The following PFKFB3 variants were observed in gnomAD, a reference collection of about 807,000 sequenced individuals.
The protein encoded by PFKFB3 is 6-phosphofructo-2-kinase/fructose-2,6-biphosphatase 3, also known as 6-phosphofructo-2-kinase/fructose-2,6-bisphosphatase 3.
Under a neutral mutation model 68.0 loss-of-function variants are expected in PFKFB3, and 33 were observed. The observed-to-expected ratio is 0.49, with a 90% CI of 0.37 to 0.65. The LOEUF is 0.65. Among genes scored for constraint, PFKFB3 ranks in the 30% least tolerant of loss-of-function variants. PFKFB3 has a pLI of 0.00. For synonymous variants in PFKFB3, 315 were observed against 288.2 expected (o/e 1.09, Z -0.94); for missense variants, 586 against 712.2 (o/e 0.82, Z 2.02).
intron 1 of PFKFB3, among the ~76,000 whole-genome samples, chr10:6,188,884 G>C (rs895177560): frequency 2.7e-5 from 4 of 147,912 alleles, no homozygotes; most frequent in Non-Finnish European, 4.4e-5. Context: ...CCCCAGGCTG[G>C]AGTGCAGTGG....
At chr10:6,236,514 C>T (rs896997447), downstream of PFKFB3, among the ~76,000 whole-genome samples, 7 of 152,348 alleles carry the variant, frequency 4.6e-5, no homozygotes, top group African/African-American at 9.6e-5. Context: ...CTGCCGCCCA[C>T]GCTGTGAAGA....
chr10:6,222,866 C>G lies in PFKFB3; in HGVS notation c.1095C>G (p.Asp365Glu). 2 of 1,613,596 alleles carry G rather than the reference C, an allele frequency of 1.2e-6. No homozygotes were observed. Among genetic ancestry groups the G allele is most frequent in the Non-Finnish European group, 1.7e-6 (2 of 1,179,712 alleles). The change falls in exon 11 of 15, where the codon GAC (aspartate) becomes GAG (glutamate). Residue 365 changes from aspartate to glutamate, a missense_variant. Transcript: ENST00000379775. Reference sequence around the variant, plus strand: ...CCCTCTGTGCTCAGTCCTACCAGGACCTGGTCCAGCGCTTGGAGCCAGTGA... The same window carrying G: ...CCCTCTGTGCTCAGTCCTACCAGGAGCTGGTCCAGCGCTTGGAGCCAGTGA... ...YRYPTGESYQ[D>E]LVQRLEPVIM...
At chr10:6,214,357 C>T (rs1286121449) in intron 2 of PFKFB3, among the ~76,000 whole-genome samples, 3 of 127,710 alleles carry the variant, frequency 2.3e-5, no homozygotes, top group African/African-American at 1.1e-4. Context: ...CAAAGCCGTA[C>T]ACCCACAACC....
At chr10:6,202,865 C>T (rs988911459), upstream of PFKFB3, 40 of 1,040,718 alleles carry the variant, frequency 3.8e-5, no homozygotes, top group African/African-American at 6.2e-4. Flanking sequence ...CGGCCCGCCC[C>T]GAGGCTGACG....
Position 6,203,052 on chromosome 10 carries a change from C to G in PFKFB3, c.-209C>G. 1 of 1,385,312 alleles carries G rather than the reference C, an allele frequency of 7.2e-7. No homozygotes were observed. Among genetic ancestry groups the G allele is most frequent in the African/African-American group, 1.5e-5 (1 of 65,196 alleles). 85.8% of individuals were successfully genotyped at this position (1,385,312 alleles called of 1,614,324 possible). ...CGGCCGTGCCGGGCATCCCCAGCCTCGCTACCCTCGCAGCACACGTCGAGC... is the reference window on the plus strand; with the variant it reads ...CGGCCGTGCCGGGCATCCCCAGCCTGGCTACCCTCGCAGCACACGTCGAGC... On this transcript the variant is annotated 5_prime_UTR_variant, in exon 1 of 15. Coordinates refer to ENST00000379775, the MANE Select transcript of PFKFB3 (RefSeq NM_004566.4).
the PFKFB3 span, among the ~76,000 whole-genome samples, chr10:6,279,629 C>T: frequency 6.6e-6 from 1 of 152,122 alleles, no homozygotes; most frequent in South Asian, 2.1e-4. Context: ...CCGGTGACCT[C>T]CTGGAATGTC....
At chr10:6,310,300 T>C in the PFKFB3 span, among the ~76,000 whole-genome samples, 42 of 152,074 alleles carry the variant, frequency 2.8e-4, no homozygotes, top group Admixed American at 9.2e-4. Flanking sequence ...GATTTTTTTT[T>C]CTTTTTTTGC....
intron 1 of PFKFB3, among the ~76,000 whole-genome samples, chr10:6,171,823 G>T (rs1842320635): frequency 6.6e-6 from 1 of 152,252 alleles, no homozygotes; most frequent in South Asian, 2.1e-4. Context: ...AGAAAAGTTT[G>T]GATATCTCAG....
intron 1 of PFKFB3, among the ~76,000 whole-genome samples, chr10:6,170,328 A>G (rs1842269749): frequency 6.6e-6 from 1 of 152,252 alleles, no homozygotes; most frequent in African/African-American, 2.4e-5. Context: ...TCAACATTAA[A>G]GAAACCCACC....
At chr10:6,157,097 A>C (rs1841827466) in intron 1 of PFKFB3, among the ~76,000 whole-genome samples, 1 of 151,744 alleles carries the variant, frequency 6.6e-6, no homozygotes, top group Non-Finnish European at 1.5e-5. Context: ...ATCTGAAAAA[A>C]ATAAAAATAA....
chr10:6,254,406 G>A, exon 15 of PFKFB3: 1 of 398,576 alleles, frequency 2.5e-6, no homozygotes, highest in Admixed American at 4.4e-5. Context: ...AACCTGAGCT[G>A]CTGAGGACTC....
At chr10:6,157,982 C>A (rs1841857046) in intron 1 of PFKFB3, among the ~76,000 whole-genome samples, 1 of 151,668 alleles carries the variant, frequency 6.6e-6, no homozygotes, top group Non-Finnish European at 1.5e-5. Context: ...ACGGGTAAAG[C>A]CTTTTAAAAG....
chr10:6,313,920 G>A, the PFKFB3 span, among the ~76,000 whole-genome samples: 3 of 152,152 alleles, frequency 2.0e-5, no homozygotes, highest in South Asian at 2.1e-4. This position sits in a 1 kb window ranked among gnomAD's most constrained non-coding sequence, Gnocchi z 4.2. Flanking sequence ...CCGCTGCCTC[G>A]CACACCTCAA....
chr10:6,215,399 G>C lies in PFKFB3; in HGVS notation c.299+82G>C. ...CATAAGGCTGGGCTGCAGGAGTAAG[G>C]CTGGGCCGCGGGCGTAGGGCTGGGC... On this transcript the variant is annotated intron_variant, in intron 3 of 14. Coordinates refer to ENST00000379775, the MANE Select transcript of PFKFB3 (RefSeq NM_004566.4). The surrounding 1 kb of genome is among the most constrained non-coding windows in gnomAD (Gnocchi z 4.3). 1 of 1,054,952 alleles carries C rather than the reference G, an allele frequency of 9.5e-7. No homozygotes were observed. 65.3% of individuals were successfully genotyped at this position (1,054,952 alleles called of 1,614,324 possible).
At position 6,207,133 on chromosome 10, in the gene PFKFB3, C is replaced by T. The variant is rs368833474; in HGVS notation, c.76+3797C>T. On this transcript the variant is annotated intron_variant, in intron 1 of 14. Transcript: ENST00000379775. Reference sequence around the variant, plus strand: ...GCGAGCCGAGATCACGCCACTGCACCCCAGCCTGGGCACCATTGAGCACTG... The same window carrying T: ...GCGAGCCGAGATCACGCCACTGCACTCCAGCCTGGGCACCATTGAGCACTG... 3.0e-3 allele frequency among the ~76,000 whole-genome samples: 453 copies of T among 151,930 alleles called. 2 individuals are homozygous for T. The highest frequency in any genetic ancestry group is 7.1e-3 in the Admixed American group (108 of 15,242).
rs141519973 is a variant in PFKFB3 at position 6,248,392 on chromosome 10, G to A, written c.1516-5786G>A. Among the ~76,000 whole-genome samples the A allele has an allele frequency of 5.9e-4, 90 of 151,644 alleles. 1 individual carries two copies. In the East Asian group the frequency reaches 0.016, roughly 27 times the overall value. On this transcript the variant is annotated intron_variant, in intron 14 of 14. Transcript: ENST00000640683. ...GTAATCCCAGCACTTTGGGAGGGAG[G>A]CCGAGGTGGGCAAATGGCTTGAGGT...
chr10:6,321,999 C>T, the PFKFB3 span, among the ~76,000 whole-genome samples: 1 of 151,504 alleles, frequency 6.6e-6, no homozygotes, highest in South Asian at 2.1e-4. Flanking sequence ...CCATGAAACA[C>T]CATCCATGTA....
intron 4 of PFKFB3, 48 bp downstream of exon 4, chr10:6,216,239 G>A (rs1844569773): frequency 3.2e-6 from 5 of 1,548,014 alleles, no homozygotes; most frequent in Non-Finnish European, 4.5e-6. Context: ...CCACCCATGA[G>A]GGTGTCCTCA....
chr10:6,155,038 C>T lies in PFKFB3; in HGVS notation c.16+10025C>T, dbSNP rs191630799. ...GCCTTCCAGAAAAGTCCACTGTGCCCCAGGTCAGTCATCAGACAGAGCCAT... is the reference window on the plus strand; with the variant it reads ...GCCTTCCAGAAAAGTCCACTGTGCCTCAGGTCAGTCATCAGACAGAGCCAT... On this transcript the variant is annotated intron_variant, in intron 1 of 14. Coordinates refer to the PFKFB3 transcript ENST00000379789. Among the ~76,000 whole-genome samples, 771 of 152,218 alleles carry T rather than the reference C, an allele frequency of 5.1e-3. 8 individuals are homozygous for T. The highest frequency in any genetic ancestry group is 8.4e-3 in the Non-Finnish European group (569 of 67,994).
Sources: allele counts gnomAD v4.1 joint callset (sites outside exome capture counted in the v4.1 genomes callset), GRCh38; gene constraint gnomAD v4.1.1; non-coding constraint Gnocchi (gnomAD v3.1); transcripts MANE v1.5; gene names NCBI Gene and HGNC (gene_info 2026-07-23, HGNC 2026-07-21).